The following DLGAP2 variants were observed in gnomAD, a reference collection of about 807,000 sequenced individuals.
DLGAP2 encodes the protein disks large-associated protein 2.
A neutral mutation model predicts 100.3 loss-of-function variants in DLGAP2; 26 were observed. The ratio of observed to expected loss-of-function variants is 0.26; its 90% CI spans 0.19 to 0.36. The LOEUF (loss-of-function observed/expected upper bound fraction) is 0.36, where lower values mean the gene tolerates loss of function less well. DLGAP2 is among the 10% of genes least tolerant of loss of function. The pLI, the probability that DLGAP2 is intolerant of heterozygous loss-of-function variation, is 1.00. For missense variants in DLGAP2, 1,858 were observed against 1,453.2 expected (o/e 1.28, Z -4.53); for synonymous variants, 886 against 630.1 (o/e 1.41, Z -6.08).
intron 6 of DLGAP2, among the ~76,000 whole-genome samples, chr8:1,585,079 C>A (rs1301316515): frequency 6.6e-6 from 1 of 152,162 alleles, no homozygotes; most frequent in Admixed American, 6.5e-5. Flanking sequence ...TTTACTTCAA[C>A]ATCTAGTTTT....
intron 2 of DLGAP2, among the ~76,000 whole-genome samples, chr8:965,548 A>AC (rs1799839645): frequency 7.4e-6 from 1 of 134,386 alleles, no homozygotes; most frequent in Admixed American, 7.4e-5. Context: ...TTCACCACAC[A>AC]GGGCTCCTGA....
intron 2 of DLGAP2, among the ~76,000 whole-genome samples, chr8:966,748 A>G (rs544352545): frequency 1.3e-5 from 2 of 152,226 alleles, no homozygotes; most frequent in African/African-American, 4.8e-5. Context: ...ATGGACTGAG[A>G]GTGAGCATCT....
At chr8:1,637,872 C>G (rs1295464159) in intron 8 of DLGAP2, among the ~76,000 whole-genome samples, 1 of 152,188 alleles carries the variant, frequency 6.6e-6, no homozygotes, top group East Asian at 1.9e-4. Context: ...CAGGGGAAAG[C>G]CAGCACTGCA....
intron 8 of DLGAP2, among the ~76,000 whole-genome samples, chr8:1,636,425 G>C (rs1237881618): frequency 6.6e-6 from 1 of 152,120 alleles, no homozygotes; most frequent in Non-Finnish European, 1.5e-5. Context: ...CCATTTCCAA[G>C]ATACATACTT....
chr8:1,005,064 C>A (rs1801067330), intron 2 of DLGAP2, among the ~76,000 whole-genome samples: 1 of 152,174 alleles, frequency 6.6e-6, no homozygotes, highest in Non-Finnish European at 1.5e-5. Flanking sequence ...GAAACTCTGT[C>A]TTCCACTGCC....
chr8:739,622 C>G (rs1001238966), intron 1 of DLGAP2: 9 of 152,170 alleles, frequency 5.9e-5, no homozygotes, highest in African/African-American at 1.9e-4. Context: ...CTTGGCAGGT[C>G]AAGTTGTTAC....
At chr8:1,034,032 C>G (rs867920769) in intron 2 of DLGAP2, among the ~76,000 whole-genome samples, 39 of 108,628 alleles carry the variant, frequency 3.6e-4, no homozygotes, top group Non-Finnish European at 5.2e-4. Flanking sequence ...TGGATTCACA[C>G]GCTCATCCCG....
At chr8:1,362,666 A>G (rs1263698226) in intron 3 of DLGAP2, among the ~76,000 whole-genome samples, 3 of 152,216 alleles carry the variant, frequency 2.0e-5, no homozygotes, top group Non-Finnish European at 2.9e-5. Flanking sequence ...TTACAGTGGC[A>G]GGCAGTGCTG....
In DLGAP2 at chr8:1,151,447, G is replaced by A. The variant is rs144175826; in HGVS notation, c.74-107404G>A. ...AGGAAAAGGACCTTTGGCCTACGCG[G>A]GGGCAGCTTTGGGACGGTGAACACG... On this transcript the variant is annotated intron_variant, in intron 2 of 14. Coordinates refer to ENST00000637795, the MANE Select transcript of DLGAP2 (RefSeq NM_001346810.2). Among the ~76,000 whole-genome samples, 273 of 152,336 alleles carry A rather than the reference G, an allele frequency of 1.8e-3. 2 individuals are homozygous for A. Among genetic ancestry groups the A allele is most frequent in the African/African-American group, 6.1e-3 (252 of 41,584 alleles).
intron 2 of DLGAP2, among the ~76,000 whole-genome samples, chr8:1,027,810 C>T (rs1287726838): frequency 1.6e-5 from 2 of 122,348 alleles, no homozygotes; most frequent in East Asian, 5.3e-4. Flanking sequence ...GTCAGGCGCC[C>T]GTTATTCTCC....
intron 3 of DLGAP2, among the ~76,000 whole-genome samples, chr8:1,428,676 G>A (rs147590778): frequency 9.2e-5 from 14 of 152,330 alleles, no homozygotes; most frequent in African/African-American, 3.1e-4. Flanking sequence ...ACACAGTGAT[G>A]GCTCTCAATC....
chr8:825,020 C>A (rs1239841060), intron 1 of DLGAP2, among the ~76,000 whole-genome samples: 1 of 152,170 alleles, frequency 6.6e-6, no homozygotes, highest in African/African-American at 2.4e-5. Context: ...ACAAGCAGCA[C>A]CCTGTGTTGA....
intron 8 of DLGAP2, among the ~76,000 whole-genome samples, chr8:1,638,343 T>C (rs1418798525): frequency 6.6e-6 from 1 of 152,028 alleles, no homozygotes; most frequent in Non-Finnish European, 1.5e-5. Flanking sequence ...GACACAGACA[T>C]GCAGGAAGGG....
intron 2 of DLGAP2, among the ~76,000 whole-genome samples, chr8:1,051,316 C>T (rs536871052): frequency 3.2e-4 from 48 of 152,186 alleles, no homozygotes; most frequent in Non-Finnish European, 6.3e-4. Context: ...GGAGGGGCAC[C>T]GGGCTGTGTT....
intron 3 of DLGAP2, among the ~76,000 whole-genome samples, chr8:1,392,642 G>A (rs1055013663): frequency 7.9e-5 from 12 of 152,200 alleles, no homozygotes; most frequent in South Asian, 2.1e-4. Context: ...AACCCGTGGG[G>A]AGTCCCGTGG....
chr8:789,805 AAG>A (rs1821978184), intron 1 of DLGAP2, among the ~76,000 whole-genome samples: 1 of 152,196 alleles, frequency 6.6e-6, no homozygotes, highest in African/African-American at 2.4e-5. Flanking sequence ...TGGCCTGTGA[AAG>A]AGGATTGTTT....
intron 3 of DLGAP2, among the ~76,000 whole-genome samples, chr8:1,373,981 T>C (rs545773368): frequency 8.9e-4 from 136 of 152,164 alleles, no homozygotes; most frequent in African/African-American, 3.2e-3. Context: ...TGTAACCCAA[T>C]AGATCACAAA....
intron 6 of DLGAP2, among the ~76,000 whole-genome samples, chr8:1,606,037 A>G (rs759310727): frequency 2.0e-5 from 3 of 152,214 alleles, no homozygotes; most frequent in Non-Finnish European, 4.4e-5. Context: ...GAGGCGAAGA[A>G]TGAAAGTATT....
chr8:1,240,757 C>T lies in DLGAP2; in HGVS notation c.74-18094C>T, dbSNP rs1183096588. Among the ~76,000 whole-genome samples the T allele has an allele frequency of 4.8e-5, 4 of 82,538 alleles. 1 individual carries two copies. The East Asian group carries it at 1.5e-3, about 31-fold the overall frequency. 54.1% of individuals were successfully genotyped at this position (82,538 alleles called of 152,430 possible). ...CGCCGTGTCTGGTTCTCTCGCATGG[C>T]GCCGTGTCTAGTTGTCTCACATGGT... On this transcript the variant is annotated intron_variant, in intron 2 of 14. Coordinates refer to ENST00000637795, the MANE Select transcript of DLGAP2 (RefSeq NM_001346810.2).
Sources: gnomAD v4.1 joint callset for allele counts (sites outside exome capture counted in the v4.1 genomes callset) on GRCh38, gnomAD v4.1.1 for gene constraint, MANE v1.5 for transcripts, NCBI Gene and HGNC (gene_info 2026-07-23, HGNC 2026-07-21) for gene names.